HACD2: variants seen among roughly 807,000 people sequenced by gnomAD.
HACD2 encodes very-long-chain (3R)-3-hydroxyacyl-CoA dehydratase 2.
HACD2 carries 15 observed loss-of-function variants against 31.0 expected under a neutral mutation model. The ratio of observed to expected loss-of-function variants is 0.48; its 90% CI spans 0.32 to 0.75. HACD2 has a LOEUF of 0.75. Among genes scored for constraint, HACD2 ranks in the 30% least tolerant of loss-of-function variants. The pLI, the probability that HACD2 is intolerant of heterozygous loss-of-function variation, is 0.03. For synonymous variants in HACD2, 115 were observed against 122.2 expected (o/e 0.94, Z 0.39); for missense variants, 283 against 313.0 (o/e 0.90, Z 0.72).
intron 3 of HACD2, among the ~76,000 whole-genome samples, chr3:123,550,388 A>C (rs1017149321): frequency 6.6e-5 from 10 of 152,216 alleles, no homozygotes; most frequent in African/African-American, 2.4e-4. Flanking sequence ...AGCAGCAATG[A>C]AGCGGCTAGA....
chr3:123,550,251 C>G (rs2056605402), intron 3 of HACD2, among the ~76,000 whole-genome samples: 1 of 152,154 alleles, frequency 6.6e-6, no homozygotes, highest in Non-Finnish European at 1.5e-5. Context: ...CTCAAATCCC[C>G]TAAAGGAAAA....
chr3:123,523,017 G>A (rs1417118892), intron 4 of HACD2, among the ~76,000 whole-genome samples: 4 of 152,176 alleles, frequency 2.6e-5, no homozygotes, highest in South Asian at 2.1e-4. Flanking sequence ...CCACGTTCAC[G>A]GATGGCGCAT....
intron 3 of HACD2, among the ~76,000 whole-genome samples, chr3:123,539,911 TAAAA>T (rs71142741): frequency 9.7e-3 from 237 of 24,454 alleles, no homozygotes; most frequent in African/African-American, 0.048. Flanking sequence ...TCGTCTCTAC[TAAAA>T]AAAAAAAAAA....
intron 3 of HACD2, among the ~76,000 whole-genome samples, chr3:123,548,700 C>A (rs890001496): frequency 4.6e-5 from 7 of 152,022 alleles, no homozygotes; most frequent in Non-Finnish European, 7.4e-5. Context: ...TAGCTCACTG[C>A]AGCCTCCACC....
intron 2 of HACD2, among the ~76,000 whole-genome samples, chr3:123,571,719 C>T (rs758068271): frequency 3.5e-4 from 54 of 152,150 alleles, no homozygotes; most frequent in Non-Finnish European, 6.9e-4. Context: ...ATGAGACCCC[C>T]GAGCAAAGAA....
intron 3 of HACD2, among the ~76,000 whole-genome samples, chr3:123,535,393 C>T (rs1048485267): frequency 7.2e-5 from 11 of 152,076 alleles, no homozygotes; most frequent in Non-Finnish European, 1.6e-4. Context: ...TAACCAAATA[C>T]AAAATATACT....
chr3:123,520,741 G>A (rs2056203980), intron 4 of HACD2, among the ~76,000 whole-genome samples: 1 of 152,190 alleles, frequency 6.6e-6, no homozygotes, highest in African/African-American at 2.4e-5. Flanking sequence ...TGGTTTGAAT[G>A]TCAGGATTCA....
chr3:123,546,967 TA>T (rs1389573750), intron 3 of HACD2, among the ~76,000 whole-genome samples: 1 of 152,152 alleles, frequency 6.6e-6, no homozygotes, highest in Non-Finnish European at 1.5e-5. Flanking sequence ...AGTTCATATC[TA>T]AAAAAATTTG....
At chr3:123,511,482 G>C (rs1257018443) in intron 4 of HACD2, among the ~76,000 whole-genome samples, 1 of 152,172 alleles carries the variant, frequency 6.6e-6, no homozygotes, top group Non-Finnish European at 1.5e-5. Context: ...TTTACTTAGT[G>C]TCAAGAAAGC....
intron 3 of HACD2, among the ~76,000 whole-genome samples, chr3:123,545,714 G>T (rs998971337): frequency 1.8e-4 from 27 of 148,958 alleles, no homozygotes; most frequent in South Asian, 8.5e-4. Context: ...ATAATAATAA[G>T]ATTTTTTTTT....
chr3:123,511,797 G>C (rs2056066443), intron 4 of HACD2, among the ~76,000 whole-genome samples: 1 of 151,658 alleles, frequency 6.6e-6, no homozygotes, highest in African/African-American at 2.4e-5. Flanking sequence ...TTTTTGTTTT[G>C]GCCCTCCTAT....
chr3:123,585,018 C>G lies in HACD2; in HGVS notation c.10G>C (p.Val4Leu). 6.6e-7 allele frequency: 1 copy of G among 1,508,568 alleles called. No individual in the cohort carries two copies. The highest frequency in any genetic ancestry group is 8.8e-7 in the Non-Finnish European group (1 of 1,130,718). The allele number at this position is 1,508,568 out of a possible 1,614,324, so 93.4% of individuals were successfully genotyped here. A position where few individuals can be genotyped will look rare whatever the true frequency, so the allele number is the denominator to read the frequency against. The stretch of plus-strand genomic sequence containing the variant: ...CCCTTCGCTGCTGCAGTCGCCGCCA[C>G]TGCCGCCATGTCAAGTGCCCGAAGC... Reference protein sequence around the residue: MAAVAATAAAKGNG... With the variant: MAALAATAAAKGNG... Residue 4 changes from valine (V) to leucine (L), a missense_variant, in exon 1 of 7, where the codon GTG becomes CTG. Transcript: ENST00000383657.
chr3:123,502,388 G>A (rs971624807), intron 5 of HACD2, among the ~76,000 whole-genome samples, 172 bp downstream of exon 5: 17 of 152,142 alleles, frequency 1.1e-4, no homozygotes, highest in East Asian at 5.8e-4. Context: ...CAGTATTTCC[G>A]TTAGTCAAAG....
chr3:123,511,948 C>G (rs576244825), intron 4 of HACD2, among the ~76,000 whole-genome samples: 1 of 152,280 alleles, frequency 6.6e-6, no homozygotes, highest in East Asian at 1.9e-4. Context: ...CCCCCTAGCT[C>G]CTCTTCGCCA....
intron 3 of HACD2, among the ~76,000 whole-genome samples, chr3:123,542,319 G>A (rs1270749872): frequency 8.6e-5 from 13 of 151,872 alleles, no homozygotes; most frequent in African/African-American, 2.2e-4. Context: ...GCAATAAAGC[G>A]CATCAAAGAA....
chr3:123,531,943 T>C (rs1271388448), intron 3 of HACD2, among the ~76,000 whole-genome samples: 1 of 152,072 alleles, frequency 6.6e-6, no homozygotes. Flanking sequence ...GACCTTTTTT[T>C]AAAAAAAGGA....
chr3:123,504,134 A>G (rs2055943409), intron 4 of HACD2, among the ~76,000 whole-genome samples: 1 of 152,234 alleles, frequency 6.6e-6, no homozygotes, highest in Non-Finnish European at 1.5e-5. Flanking sequence ...CTTTCATGGT[A>G]AGATTTTTCA....
chr3:123,529,540 C>T (rs2056326190), intron 3 of HACD2, among the ~76,000 whole-genome samples: 1 of 152,290 alleles, frequency 6.6e-6, no homozygotes, highest in South Asian at 2.1e-4. Flanking sequence ...TCCTGCACAA[C>T]ATAGCGAGAC....
chr3:123,536,200 C>T (rs1481596268), intron 3 of HACD2, among the ~76,000 whole-genome samples: 1 of 152,158 alleles, frequency 6.6e-6, no homozygotes. Context: ...ACCATACACT[C>T]TCCTAACCTG....
Sources: allele counts gnomAD v4.1 joint callset (sites outside exome capture counted in the v4.1 genomes callset), GRCh38; gene constraint gnomAD v4.1.1; transcripts MANE v1.5; gene names NCBI Gene and HGNC (gene_info 2026-07-23, HGNC 2026-07-21).